MYSM1: variants seen among roughly 807,000 people sequenced by gnomAD.
MYSM1 encodes the protein deubiquitinase MYSM1.
In MYSM1, 51 loss-of-function variants were observed where a neutral mutation model predicts 116.0. That is an observed-to-expected ratio of 0.44 (90% CI 0.35 to 0.56). The LOEUF is 0.56. Ranked by LOEUF, MYSM1 falls within the 20% of genes least tolerant of loss-of-function variation. The pLI is 0.00. For synonymous variants in MYSM1, 313 were observed against 315.2 expected (o/e 0.99, Z 0.07); for missense variants, 900 against 974.9 (o/e 0.92, Z 1.02).
At chr1:58,661,363 G>C (rs1010550600) in intron 18 of MYSM1, 43 bp downstream of exon 18, 13 of 1,343,974 alleles carry the variant, frequency 9.7e-6, no homozygotes, top group African/African-American at 4.3e-5. Flanking sequence ...AATTTAATGA[G>C]CAACACTGCA....
At chr1:58,678,404 GT>G (rs956745584) in intron 8 of MYSM1, among the ~76,000 whole-genome samples, 18 of 152,256 alleles carry the variant, frequency 1.2e-4, no homozygotes, top group African/African-American at 4.1e-4. Flanking sequence ...ACTACTCAAA[GT>G]AAAAGGCTTT....
rs1644343549 is a variant in MYSM1, at chr1:58,658,218, TTTCCTGACTTTTGGTATAG to T, written c.*1760_*1778del. ...AACAGAGTTAGGGTAAGAGCTCAGG[TTTCCTGACTTTTGGTATAG>T]TTCCTCTTACACTCTCAGCCCTCAA... On this transcript the variant is annotated 3_prime_UTR_variant, in exon 20 of 20. Transcript: ENST00000472487. 1 of 152,114 alleles carries T rather than the reference TTTCCTGACTTTTGGTATAG, an allele frequency of 6.6e-6. No homozygotes were observed. The highest frequency in any genetic ancestry group is 2.4e-5 in the African/African-American group (1 of 41,420). 9.4% of individuals were successfully genotyped at this position (152,114 alleles called of 1,614,324 possible). A position where few individuals can be genotyped will look rare whatever the true frequency, so the allele number is the denominator to read the frequency against.
At chr1:58,677,334 T>A (rs471446) in intron 8 of MYSM1, among the ~76,000 whole-genome samples, 1 of 152,062 alleles carries the variant, frequency 6.6e-6, no homozygotes, top group Non-Finnish European at 1.5e-5. Context: ...GGACCTTGAA[T>A]TCAGAAATTT....
chr1:58,694,386 G>A (rs1027487971), intron 2 of MYSM1, among the ~76,000 whole-genome samples: 6 of 152,074 alleles, frequency 3.9e-5, no homozygotes, highest in Non-Finnish European at 7.4e-5. Context: ...ACTTTGGGAG[G>A]CTGAGGCGGG....
rs1189014970 is a variant in MYSM1 at position 58,654,746 on chromosome 1, A to C, written c.*5251T>G. The C allele has an allele frequency of 6.6e-6, 1 of 152,174 alleles. No individual in the cohort carries two copies. The highest frequency in any genetic ancestry group is 1.9e-4 in the East Asian group (1 of 5,194). 9.4% of individuals were successfully genotyped at this position (152,174 alleles called of 1,614,324 possible). A position where few individuals can be genotyped will look rare whatever the true frequency, so the allele number is the denominator to read the frequency against. On this transcript the variant is annotated 3_prime_UTR_variant, in exon 20 of 20. Transcript: ENST00000472487. The stretch of plus-strand genomic sequence containing the variant: ...TAGAAATAATCCAAATGATCACTTT[A>C]TTTTCAAAATTTTATTTTTATGGAA...
chr1:58,668,004 C>A, intron 14 of MYSM1, 83 bp from the exon 15 acceptor site: 2 of 944,804 alleles, frequency 2.1e-6, no homozygotes, highest in South Asian at 1.3e-5. Context: ...ATAAGAAAGT[C>A]ATTTGTAAGT....
intron 6 of MYSM1, 145 bp from the exon 7 acceptor site, chr1:58,685,396 C>A: frequency 4.1e-6 from 2 of 490,926 alleles, no homozygotes; most frequent in Non-Finnish European, 7.1e-6. Flanking sequence ...TCTATATAGA[C>A]TATGCTCTTA....
chr1:58,668,735 G>A, intron 13 of MYSM1, 53 bp from the exon 14 acceptor site: 1 of 1,507,204 alleles, frequency 6.6e-7, no homozygotes, highest in Non-Finnish European at 9.0e-7. Flanking sequence ...AGAGATTTTT[G>A]TTTTCCCCAC....
intron 5 of MYSM1, 100 bp from the exon 6 acceptor site, chr1:58,689,216 C>T (rs1644870122): frequency 1.2e-6 from 1 of 824,264 alleles, no homozygotes; most frequent in South Asian, 1.8e-5. Context: ...AAATTCAATA[C>T]TTTGAGTCTA....
Position 58,682,391 on chromosome 1 carries a change from G to T in MYSM1, c.653C>A (p.Ser218Tyr). 1 of 1,614,144 alleles carries T rather than the reference G, an allele frequency of 6.2e-7. No homozygotes were observed. The stretch of plus-strand genomic sequence containing the variant: ...TGTGATGTCTACTTCTTCATCATCA[G>T]ATAACTTTTCAATTTTTACAGCATT... ...NLNAVKIEKL[S>Y]DDEEVDITDE... The change falls in exon 8 of 20, where the codon TCT (serine) becomes TAT (tyrosine). Residue 218 changes from serine to tyrosine, a missense_variant. By Grantham distance (144) the Ser-to-Tyr change is moderately radical. Coordinates refer to ENST00000472487, the MANE Select transcript of MYSM1 (RefSeq NM_001085487.3).
rs369274270 is a variant in MYSM1, at chr1:58,675,501, T to C, written c.1470A>G (p.Gln490=). ...RDRKDAVEAY[Q]LAQRLQSMRT... ...CCATAGACTGCAGACGCTGGGCAAG[T>C]TGGTATGCTTCTACTGCATCTTTTC... The change falls in exon 10 of 20, where the codon CAA becomes CAG. Residue 490 remains glutamine (Q), a synonymous_variant. Transcript: ENST00000472487. The C allele has an allele frequency of 8.7e-6, 14 of 1,612,306 alleles. No homozygotes were observed. Among genetic ancestry groups the C allele is most frequent in the Non-Finnish European group, 1.1e-5 (13 of 1,179,080 alleles).
chr1:58,674,092 T>C (rs489260), intron 10 of MYSM1, among the ~76,000 whole-genome samples: 8,823 of 152,158 alleles, frequency 0.058, 805 homozygotes, highest in African/African-American at 0.2. Context: ...TGCAGTGGCG[T>C]GATCTTTGCT....
rs2100581423 is a variant in MYSM1, at chr1:58,659,578, C to A, written c.*419G>T. 6.5e-6 allele frequency: 1 copy of A among 152,692 alleles called. No homozygotes were observed. The highest frequency in any genetic ancestry group is 1.9e-4 in the East Asian group (1 of 5,186). 9.5% of individuals were successfully genotyped at this position (152,692 alleles called of 1,614,324 possible). On this transcript the variant is annotated 3_prime_UTR_variant, in exon 20 of 20. Coordinates refer to ENST00000472487, the MANE Select transcript of MYSM1 (RefSeq NM_001085487.3). ...TCCATATCTCATTTATAGCCATAAA[C>A]AAATCTCAGCAGAATATATGGAAAG...
At chr1:58,677,116 T>C in intron 8 of MYSM1, 60 bp from the exon 9 acceptor site, 1 of 1,440,862 alleles carries the variant, frequency 6.9e-7, no homozygotes. Flanking sequence ...AAAAGATTTC[T>C]GGGGAAAACT....
chr1:58,674,926 C>CAA (rs1223507192), intron 10 of MYSM1, among the ~76,000 whole-genome samples: 2 of 58,116 alleles, frequency 3.4e-5, no homozygotes, highest in Non-Finnish European at 7.3e-5. Context: ...GACTCTGTCT[C>CAA]AAAAAAAAAA....
chr1:58,681,749 T>C (rs903109890), intron 8 of MYSM1, 36 bp downstream of exon 8: 6 of 1,524,500 alleles, frequency 3.9e-6, no homozygotes, highest in Non-Finnish European at 4.4e-6. Flanking sequence ...GAATATCACG[T>C]TTTAAAACAA....
At chr1:58,676,903 T>A (rs1165299864) in intron 9 of MYSM1, 23 bp downstream of exon 9, 2 of 1,605,396 alleles carry the variant, frequency 1.2e-6, no homozygotes, top group Non-Finnish European at 1.7e-6. Context: ...GAGTAAAAGA[T>A]GTTGTTGGGT....
intron 16 of MYSM1, 128 bp from the exon 17 acceptor site, chr1:58,665,759 ATC>A (rs1422366047): frequency 3.0e-6 from 2 of 674,598 alleles, no homozygotes; most frequent in Non-Finnish European, 4.8e-6. Context: ...AAAAGTTCAC[ATC>A]TGGCCCGGCA....
chr1:58,668,303 G>A lies in MYSM1; in HGVS notation c.1767+329C>T, dbSNP rs1644505280. ...AACTGTTGGAGGTATCGGTAGTTTA[G>A]TAAAAACAAAAAAACCCTCCAAATT... On this transcript the variant is annotated intron_variant, in intron 14 of 19. Coordinates refer to ENST00000472487, the MANE Select transcript of MYSM1 (RefSeq NM_001085487.3). 9.6e-6 allele frequency: 5 copies of A among 521,846 alleles called. No homozygotes were observed. In the East Asian group the frequency reaches 1.8e-4, roughly 19 times the overall value. The allele number at this position is 521,846 out of a possible 1,614,324, so 32.3% of individuals were successfully genotyped here.
Sources: gnomAD v4.1 joint callset for allele counts (sites outside exome capture counted in the v4.1 genomes callset) on GRCh38, gnomAD v4.1.1 for gene constraint, MANE v1.5 for transcripts, NCBI Gene and HGNC (gene_info 2026-07-23, HGNC 2026-07-21) for gene names.